TIAL1: variants seen among roughly 807,000 people sequenced by gnomAD.
TIAL1 encodes the protein nucleolysin TIAR.
A neutral mutation model predicts 59.7 loss-of-function variants in TIAL1; 7 were observed. The observed-to-expected ratio is 0.12, with a 90% confidence interval of 0.07 to 0.22. The LOEUF is 0.22. Among genes scored for constraint, TIAL1 ranks in the 10% least tolerant of loss-of-function variants. The pLI is 1.00. For missense variants in TIAL1, 225 were observed against 462.5 expected (o/e 0.49, Z 4.71); for synonymous variants, 149 against 146.3 (o/e 1.02, Z -0.13).
intron 9 of TIAL1, 105 bp downstream of exon 9, chr10:119,577,346 C>T: frequency 1.4e-6 from 2 of 1,434,010 alleles, no homozygotes; most frequent in Non-Finnish European, 1.9e-6. Flanking sequence ...AACTTCTATA[C>T]TGCAAAGAAG....
chr10:119,591,784 G>GT (rs1845893521), intron 1 of TIAL1, among the ~76,000 whole-genome samples: 1 of 152,118 alleles, frequency 6.6e-6, no homozygotes. Context: ...CTTTTACTGA[G>GT]TTCTTGTACC....
rs780911006 is a variant in TIAL1, at chr10:119,581,910, T to TATG, written c.371+9_371+11dup. The TATG allele has an allele frequency of 3.1e-5, 49 of 1,598,118 alleles. 1 individual carries two copies. The East Asian group carries it at 1.1e-3, about 36-fold the overall frequency. On this transcript the variant is annotated intron_variant, in intron 5 of 11. Coordinates refer to ENST00000436547, the MANE Select transcript of TIAL1 (RefSeq NM_003252.4). ...TATCATGACTGAGTGTAGTACTGATTATGATACTTACGATATTTTACCAAA... is the reference window on the plus strand; with the variant it reads ...TATCATGACTGAGTGTAGTACTGATTATGATGATACTTACGATATTTTACCAAA...
At position 119,580,082 on chromosome 10, in the gene TIAL1, C is replaced by T. The variant is rs1222865269; in HGVS notation, c.372-72G>A. On this transcript the variant is annotated intron_variant, in intron 5 of 11. Transcript: ENST00000436547. ...AAAATAAAAACTAAAAGGAACCACA[C>T]ACACTGTATTGTGAGCATTTTTAAA... 4 of 1,236,486 alleles carry T rather than the reference C, an allele frequency of 3.2e-6. No individual in the cohort carries two copies. In the African/African-American group the frequency reaches 6.1e-5, roughly 19 times the overall value. 76.6% of individuals were successfully genotyped at this position (1,236,486 alleles called of 1,614,324 possible).
At chr10:119,576,836 T>A in intron 10 of TIAL1, 86 bp from the exon 11 acceptor site, 2 of 1,536,542 alleles carry the variant, frequency 1.3e-6, no homozygotes, top group Non-Finnish European at 1.8e-6. Context: ...AGAGAAAAAC[T>A]AAGTAAGCAC....
intron 1 of TIAL1, among the ~76,000 whole-genome samples, chr10:119,591,060 AG>A (rs1845858336): frequency 6.6e-6 from 1 of 152,180 alleles, no homozygotes; most frequent in Non-Finnish European, 1.5e-5. Context: ...TATTGGAATT[AG>A]TTACCTTCTA....
At position 119,582,216 on chromosome 10, in the gene TIAL1, T is replaced by C. The variant is rs1432380669; in HGVS notation, c.236A>G (p.Lys79Arg). 1 of 1,601,120 alleles carries C rather than the reference T, an allele frequency of 6.2e-7. No individual in the cohort carries two copies. The highest frequency in any genetic ancestry group is 8.5e-7 in the Non-Finnish European group (1 of 1,175,632). Residue 79 changes from lysine (K) to arginine (R), a missense_variant, in exon 4 of 12, where the codon AAA becomes AGA. Physicochemically the swap from Lys to Arg is conservative, Grantham distance 26 (BLOSUM62 2). Coordinates refer to ENST00000436547, the MANE Select transcript of TIAL1 (RefSeq NM_003252.4). This position sits in a 1 kb window ranked among gnomAD's most constrained non-coding sequence, Gnocchi z 5.1. The stretch of plus-strand genomic sequence containing the variant: ...ACTTGGTGTGGTTGCCCAGTTTACT[T>C]TGACCTCCTAAAAATAAAGATTATA... ...NGRKILGKEV[K>R]VNWATTPSSQ...
intron 6 of TIAL1, among the ~76,000 whole-genome samples, chr10:119,579,366 A>G (rs1845193522): frequency 6.6e-6 from 1 of 152,046 alleles, no homozygotes; most frequent in African/African-American, 2.4e-5. Context: ...AAAACAAAAC[A>G]TTGATTTAAG....
intron 2 of TIAL1, among the ~76,000 whole-genome samples, chr10:119,585,101 CA>C (rs1031532048): frequency 1.9e-5 from 1 of 52,508 alleles, no homozygotes; most frequent in Non-Finnish European, 3.6e-5. Context: ...CCAGCCTGGG[CA>C]AAAGAGCAAG....
Position 119,580,006 on chromosome 10 carries a change from C to T in TIAL1, c.376G>A (p.Ala126Thr), listed in dbSNP as rs962967771. ...AFAPFGKISD[A>T]RVVKDMATGK... is the part of the protein sequence containing the mutation. Reference sequence around the variant, plus strand: ...GTTGCCATGTCTTTAACTACCCGGGCATCCCTGTGAAAAGAAGCACAGCTA... The same window carrying T: ...GTTGCCATGTCTTTAACTACCCGGGTATCCCTGTGAAAAGAAGCACAGCTA... Residue 126 changes from alanine to threonine, a missense_variant, in exon 6 of 12, where the codon GCC (alanine) becomes ACC (threonine). Coordinates refer to ENST00000436547, the MANE Select transcript of TIAL1 (RefSeq NM_003252.4). 1 of 1,609,584 alleles carries T rather than the reference C, an allele frequency of 6.2e-7. No homozygotes were observed. The highest frequency in any genetic ancestry group is 8.5e-7 in the Non-Finnish European group (1 of 1,178,238).
chr10:119,596,050 A>AC (rs1253241254), intron 1 of TIAL1, among the ~76,000 whole-genome samples: 1 of 118,188 alleles, frequency 8.5e-6, no homozygotes, highest in Non-Finnish European at 1.8e-5. Context: ...CCCCAATCCT[A>AC]CCCCCGCCAG....
chr10:119,581,828 C>A, intron 5 of TIAL1, 94 bp downstream of exon 5: 3 of 977,664 alleles, frequency 3.1e-6, no homozygotes, highest in South Asian at 1.6e-5. Flanking sequence ...CAAAACCATA[C>A]TAACTAGAGA....
In TIAL1 at chr10:119,577,632, A is replaced by C; in HGVS notation, c.652+9T>G. The C allele has an allele frequency of 3.1e-6, 5 of 1,613,578 alleles. No individual in the cohort carries two copies. The highest frequency in any genetic ancestry group is 4.2e-6 in the Non-Finnish European group (5 of 1,179,490). ...TCCTCAGAGGTGATTAGAAAACCAAACATTGTACCTGTTAACCCAGACGCA... is the reference window on the plus strand; with the variant it reads ...TCCTCAGAGGTGATTAGAAAACCAACCATTGTACCTGTTAACCCAGACGCA... On this transcript the variant is annotated intron_variant, in intron 8 of 11. Transcript: ENST00000436547.
rs1554862519 is a variant in TIAL1 at position 119,574,599 on chromosome 10, A to AC, written c.*1065_*1066insG. ...AGTAATGTAAAGCAAAAAAAAAAAA[A>AC]AAAAAAAACAAAAACAAAAAACTAA... On this transcript the variant is annotated 3_prime_UTR_variant, in exon 12 of 12. Transcript: ENST00000436547. 4 of 150,570 alleles carry AC rather than the reference A, an allele frequency of 2.7e-5. No homozygotes were observed. Among genetic ancestry groups the AC allele is most frequent in the South Asian group, 4.3e-4 (2 of 4,684 alleles). The allele number at this position is 150,570 out of a possible 1,614,324, so 9.3% of individuals were successfully genotyped here.
chr10:119,575,373 T>C lies in TIAL1; in HGVS notation c.*292A>G, dbSNP rs529335244. The C allele has an allele frequency of 3.8e-6, 1 of 264,204 alleles. No homozygotes were observed. Among genetic ancestry groups the C allele is most frequent in the East Asian group, 1.1e-4 (1 of 9,260 alleles). 16.4% of individuals were successfully genotyped at this position (264,204 alleles called of 1,614,324 possible). ...ATAGTATCTAAGAATCAAAATGTAT[T>C]AGCCATTTTTCCTATTATATCAAAA... On this transcript the variant is annotated 3_prime_UTR_variant, in exon 12 of 12. Coordinates refer to ENST00000436547, the MANE Select transcript of TIAL1 (RefSeq NM_003252.4).
At chr10:119,588,127 G>T in intron 2 of TIAL1, 25 bp downstream of exon 2, 1 of 1,383,454 alleles carries the variant, frequency 7.2e-7, no homozygotes, top group Non-Finnish European at 9.8e-7. Flanking sequence ...CTAATTGTCA[G>T]CACATGGAAC....
intron 1 of TIAL1, among the ~76,000 whole-genome samples, chr10:119,595,097 A>G (rs1425466409): frequency 1.3e-5 from 2 of 152,224 alleles, no homozygotes; most frequent in African/African-American, 4.8e-5. Context: ...GTGAGACGTT[A>G]GAGAACACAT....
intron 1 of TIAL1, among the ~76,000 whole-genome samples, chr10:119,589,255 G>C (rs1845729482): frequency 6.6e-6 from 1 of 152,186 alleles, no homozygotes; most frequent in Admixed American, 6.5e-5. Context: ...ACCCAGGCTG[G>C]AGTGCAGTGG....
Position 119,576,613 on chromosome 10 carries a change from T to A in TIAL1, c.999A>T (p.Val333=), listed in dbSNP as rs1166434084. 6.2e-7 allele frequency: 1 copy of A among 1,613,472 alleles called. No individual in the cohort carries two copies. Among genetic ancestry groups the A allele is most frequent in the Non-Finnish European group, 8.5e-7 (1 of 1,179,886 alleles). ...GQPWNQQGFG[V]DQSPSAAWMG... is the part of the protein sequence containing the mutation. Reference sequence around the variant, plus strand: ...CTGGAAAAACCCAAACAACTTACTCTACTCCAAATCCTTGTTGATTCCATG... The same window carrying A: ...CTGGAAAAACCCAAACAACTTACTCAACTCCAAATCCTTGTTGATTCCATG... The change falls in exon 11 of 12, where the codon GTA becomes GTT. Residue 333 remains valine (V), a splice_region_variant and synonymous_variant. Transcript: ENST00000436547.
chr10:119,582,334 C>A lies in TIAL1; in HGVS notation c.229-111G>T. ...GGGTTATTTTTGTAAAAGCACTAAG[C>A]TGAATAAAGCAAAACCATCACTCAG... On this transcript the variant is annotated intron_variant, in intron 3 of 11. Coordinates refer to ENST00000436547, the MANE Select transcript of TIAL1 (RefSeq NM_003252.4). The surrounding 1 kb of genome is among the most constrained non-coding windows in gnomAD (Gnocchi z 5.1). The A allele has an allele frequency of 6.8e-7, 1 of 1,471,998 alleles. No individual in the cohort carries two copies. Among genetic ancestry groups the A allele is most frequent in the Non-Finnish European group, 9.1e-7 (1 of 1,095,928 alleles). The allele number at this position is 1,471,998 out of a possible 1,614,324, so 91.2% of individuals were successfully genotyped here.
Sources: gnomAD v4.1 joint callset for allele counts (sites outside exome capture counted in the v4.1 genomes callset) on GRCh38, gnomAD v4.1.1 for gene constraint, Gnocchi (gnomAD v3.1) non-coding constraint, MANE v1.5 for transcripts, NCBI Gene and HGNC (gene_info 2026-07-23, HGNC 2026-07-21) for gene names.